Variants in CAMKK1 observed in about 807,000 individuals in gnomAD.
The protein encoded by CAMKK1 is calcium/calmodulin dependent protein kinase kinase 1, also known as calcium/calmodulin-dependent protein kinase kinase 1.
A neutral mutation model predicts 63.5 loss-of-function variants in CAMKK1; 20 were observed. That is an observed-to-expected ratio of 0.32 (90% CI 0.22 to 0.46). CAMKK1 has a LOEUF of 0.46. Ranked by LOEUF, CAMKK1 falls within the 20% of genes least tolerant of loss-of-function variation. CAMKK1 has a pLI of 1.00. For missense variants in CAMKK1, 588 were observed against 658.1 expected, an observed-to-expected ratio of 0.89 and a Z score of 1.17; for synonymous variants, 253 against 269.0, an observed-to-expected ratio of 0.94 and a Z score of 0.58.
At chr17:3,875,291 GTCTT>G (rs1432361012) in intron 10 of CAMKK1, among the ~76,000 whole-genome samples, 1 of 151,934 alleles carries the variant, frequency 6.6e-6, no homozygotes, top group Non-Finnish European at 1.5e-5. Context: ...CATCCCCAAC[GTCTT>G]TCTTTCTTTC....
chr17:3,881,728 T>C (rs1597478677), intron 7 of CAMKK1, 80 bp from the exon 8 acceptor site: 1 of 1,318,122 alleles, frequency 7.6e-7, no homozygotes, highest in Non-Finnish European at 1.1e-6. Context: ...TTCTGGAGGG[T>C]AGGAGAGGGG....
At chr17:3,865,681 G>T (rs2054490873) in intron 15 of CAMKK1, 1 of 1,401,676 alleles carries the variant, frequency 7.1e-7, no homozygotes, top group South Asian at 1.6e-5. Context: ...AAGTGTGTGT[G>T]TGAGGGATGC....
chr17:3,871,979 A>C (rs894040312), intron 12 of CAMKK1, among the ~76,000 whole-genome samples: 1 of 152,194 alleles, frequency 6.6e-6, no homozygotes, highest in African/African-American at 2.4e-5. Flanking sequence ...TGCTGAAAAG[A>C]GGAGCCTGGG....
rs765872503 is a variant in CAMKK1 at position 3,882,351 on chromosome 17, C to G, written c.685+177G>C. The G allele has an allele frequency of 4.3e-6, 7 of 1,613,650 alleles. No homozygotes were observed. The highest frequency in any genetic ancestry group is 5.9e-6 in the Non-Finnish European group (7 of 1,179,872). On this transcript the variant is annotated intron_variant, in intron 7 of 15. Coordinates refer to ENST00000348335, the MANE Select transcript of CAMKK1 (RefSeq NM_032294.3). The surrounding 1 kb of genome is among the most constrained non-coding windows in gnomAD (Gnocchi z 4.3). ...TATTTGTTGAATCTAACTGGATATT[C>G]TGGGCCTGGTTCTGCAGGGCTGGGC...
chr17:3,866,035 G>A lies in CAMKK1; in HGVS notation c.1342-24C>T, dbSNP rs756098279. 28 of 1,611,610 alleles carry A rather than the reference G, an allele frequency of 1.7e-5. 1 individual carries two copies. In the South Asian group the frequency reaches 2.3e-4, roughly 13 times the overall value. ...ATCTGAGGAGGACAAGGCAGCGTGA[G>A]GAGCACAGGTCCCAGGCTCCCAGAC... On this transcript the variant is annotated intron_variant, in intron 14 of 15. Coordinates refer to ENST00000348335, the MANE Select transcript of CAMKK1 (RefSeq NM_032294.3).
chr17:3,868,978 T>A (rs2043660804), intron 14 of CAMKK1, among the ~76,000 whole-genome samples: 1 of 145,600 alleles, frequency 6.9e-6, no homozygotes, highest in African/African-American at 2.6e-5. Context: ...TTCTTCTTTT[T>A]TTTTTTTTGA....
chr17:3,884,407 C>G lies in CAMKK1; in HGVS notation c.381G>C (p.Gln127His). 6.2e-7 allele frequency: 1 copy of G among 1,613,868 alleles called. No individual in the cohort carries two copies. Among genetic ancestry groups the G allele is most frequent in the Non-Finnish European group, 8.5e-7 (1 of 1,179,910 alleles). ...SDAEDCVQLN[Q>H]YKLQSEIGKG... ...TGCCAATCTCACTCTGCAGCTTGTA[C>G]TGGTTCAGCTGCACGCAGTCCTGTG... Residue 127 changes from glutamine to histidine, a missense_variant, in exon 3 of 16, where the codon CAG (glutamine) becomes CAC (histidine). By Grantham distance (24) the Gln-to-His change is conservative. Coordinates refer to ENST00000348335, the MANE Select transcript of CAMKK1 (RefSeq NM_032294.3). This position sits in a 1 kb window ranked among gnomAD's most constrained non-coding sequence, Gnocchi z 4.5.
Position 3,876,311 on chromosome 17 carries a change from T to A in CAMKK1, c.908A>T (p.Asn303Ile), listed in dbSNP as rs1358972844. The A allele has an allele frequency of 1.2e-6, 2 of 1,614,210 alleles. No individual in the cohort carries two copies. The highest frequency in any genetic ancestry group is 1.7e-6 in the Non-Finnish European group (2 of 1,180,032). Reference sequence around the variant, plus strand: ...CGCCGTGCTGGACAGCTGAGCGTCGTTCCCCTCAAACTGGTTGCTGACGCC... The same window carrying A: ...CGCCGTGCTGGACAGCTGAGCGTCGATCCCCTCAAACTGGTTGCTGACGCC... ...DFGVSNQFEG[N>I]DAQLSSTAGT... Residue 303 changes from asparagine to isoleucine, a missense_variant, in exon 10 of 16, where the codon AAC (asparagine) becomes ATC (isoleucine). Physicochemically the swap from Asn to Ile is moderately radical, Grantham distance 149. This residue lies in a region of CAMKK1 where 357 missense variants were observed against 407.4 expected (regional missense o/e 0.88). Coordinates refer to ENST00000348335, the MANE Select transcript of CAMKK1 (RefSeq NM_032294.3).
At chr17:3,875,562 C>T (rs2055111574) in intron 10 of CAMKK1, among the ~76,000 whole-genome samples, 1 of 152,142 alleles carries the variant, frequency 6.6e-6, no homozygotes, top group Non-Finnish European at 1.5e-5. Flanking sequence ...GGATTACAGG[C>T]ATGAGCCACT....
At chr17:3,888,789 G>A (rs1476659403) in intron 1 of CAMKK1, among the ~76,000 whole-genome samples, 6 of 152,260 alleles carry the variant, frequency 3.9e-5, no homozygotes, top group African/African-American at 7.2e-5. Context: ...GCGGCCGGCC[G>A]GGGAGGCCCG....
At chr17:3,869,708 C>G in intron 13 of CAMKK1, 93 bp from the exon 14 acceptor site, 1 of 1,602,258 alleles carries the variant, frequency 6.2e-7, no homozygotes, top group Non-Finnish European at 8.5e-7. Flanking sequence ...TCAAACCCAA[C>G]ACACATGCAT....
chr17:3,884,071 G>T lies in CAMKK1; in HGVS notation c.409-134C>A. ...CTACCCACCACCAGCTGGCTCACGGGCAAATATTGTAGCAGATGGGGAGGG... is the reference window on the plus strand; with the variant it reads ...CTACCCACCACCAGCTGGCTCACGGTCAAATATTGTAGCAGATGGGGAGGG... On this transcript the variant is annotated intron_variant, in intron 3 of 15. Coordinates refer to ENST00000348335, the MANE Select transcript of CAMKK1 (RefSeq NM_032294.3). This position sits in a 1 kb window ranked among gnomAD's most constrained non-coding sequence, Gnocchi z 4.5. 1 of 890,524 alleles carries T rather than the reference G, an allele frequency of 1.1e-6. No homozygotes were observed. Among genetic ancestry groups the T allele is most frequent in the Non-Finnish European group, 1.8e-6 (1 of 557,878 alleles). 55.2% of individuals were successfully genotyped at this position (890,524 alleles called of 1,614,324 possible). A position where few individuals can be genotyped will look rare whatever the true frequency, so the allele number is the denominator to read the frequency against.
Position 3,868,102 on chromosome 17 carries a change from A to C in CAMKK1, c.1341+1385T>G, listed in dbSNP as rs113893943. Among the ~76,000 whole-genome samples the C allele has an allele frequency of 6.3e-4, 39 of 62,322 alleles. 3 individuals carry two copies. The highest frequency in any genetic ancestry group is 1.9e-3 in the Admixed American group (12 of 6,456). 40.9% of individuals were successfully genotyped at this position (62,322 alleles called of 152,430 possible). A position where few individuals can be genotyped will look rare whatever the true frequency, so the allele number is the denominator to read the frequency against. On this transcript the variant is annotated intron_variant, in intron 14 of 15. Coordinates refer to ENST00000348335, the MANE Select transcript of CAMKK1 (RefSeq NM_032294.3). ...ACTGATACGTGGGCTCTGGGGGAGA[A>C]GCAGGCGCCGTCTAACTGATACGTG...
intron 1 of CAMKK1, among the ~76,000 whole-genome samples, chr17:3,891,206 T>C (rs2055890468): frequency 6.6e-6 from 1 of 151,516 alleles, no homozygotes. Context: ...CCAGACTCTG[T>C]GCAAGCCTGT....
Position 3,883,400 on chromosome 17 carries a change from T to C in CAMKK1, c.514+29A>G. ...CCTCCTCTGCCTCCAGGCTAGGAGCTCCCAGGGACAGGATCAGAAGATACA... is the reference window on the plus strand; with the variant it reads ...CCTCCTCTGCCTCCAGGCTAGGAGCCCCCAGGGACAGGATCAGAAGATACA... On this transcript the variant is annotated intron_variant, in intron 5 of 15. Transcript: ENST00000348335. This position sits in a 1 kb window ranked among gnomAD's most constrained non-coding sequence, Gnocchi z 4.7. 6.2e-7 allele frequency: 1 copy of C among 1,607,572 alleles called. No individual in the cohort carries two copies. The highest frequency in any genetic ancestry group is 8.5e-7 in the Non-Finnish European group (1 of 1,174,038).
In CAMKK1 at chr17:3,881,643, CA is replaced by C; in HGVS notation, c.690del (p.Phe230LeufsTer4). ...GGAACTCACCCCTTTCTCAGGAGGT[CA>C]AACACTGAAAGAAAAGACAAGAAGG... Reference protein sequence around the residue: ...DPAEDNLYLVFDLLRKGPVME... With the variant: ...DPAEDNLYLVXDLLRKGPVME... On this transcript the variant is annotated frameshift_variant, in exon 8 of 16. Transcript: ENST00000348335. LOFTEE classifies it high-confidence loss of function. 6.4e-7 allele frequency: 1 copy of C among 1,567,650 alleles called. No homozygotes were observed. The highest frequency in any genetic ancestry group is 8.7e-7 in the Non-Finnish European group (1 of 1,154,328).
At chr17:3,863,102 G>A (rs1217427176) in intron 15 of CAMKK1, among the ~76,000 whole-genome samples, 1 of 152,206 alleles carries the variant, frequency 6.6e-6, no homozygotes, top group African/African-American at 2.4e-5. Flanking sequence ...CTCCCAAAAT[G>A]TCTCTTTTTA....
Position 3,883,268 on chromosome 17 carries a change from C to T in CAMKK1, c.515-93G>A, listed in dbSNP as rs201385316. 1.2e-5 allele frequency: 18 copies of T among 1,555,368 alleles called. No individual in the cohort carries two copies. In the South Asian group the frequency reaches 1.5e-4, roughly 13 times the overall value. On this transcript the variant is annotated intron_variant, in intron 5 of 15. Coordinates refer to ENST00000348335, the MANE Select transcript of CAMKK1 (RefSeq NM_032294.3). This position sits in a 1 kb window ranked among gnomAD's most constrained non-coding sequence, Gnocchi z 4.7. ...GTCTCAAGCAAGAGTCTTGCATGCC[C>T]GTGGTCTTGTCCCAACCCACAGGGC...
chr17:3,888,555 T>C (rs2055757975), intron 1 of CAMKK1, among the ~76,000 whole-genome samples: 1 of 152,158 alleles, frequency 6.6e-6, no homozygotes, highest in Non-Finnish European at 1.5e-5. Flanking sequence ...GGTGAGATGC[T>C]GAGGAGGGAA....
Sources: gnomAD v4.1 joint callset for allele counts (sites outside exome capture counted in the v4.1 genomes callset) on GRCh38, gnomAD v4.1.1 for gene constraint, gnomAD v4.1.1 regional missense constraint, Gnocchi (gnomAD v3.1) non-coding constraint, MANE v1.5 for transcripts, NCBI Gene and HGNC (gene_info 2026-07-23, HGNC 2026-07-21) for gene names.